CWC27: variants seen among roughly 807,000 people sequenced by gnomAD.
CWC27 encodes CWC27 spliceosome associated cyclophilin.
A neutral mutation model predicts 63.6 loss-of-function variants in CWC27; 47 were observed. The observed-to-expected ratio is 0.74, with a 90% CI of 0.58 to 0.94. The LOEUF is 0.94. Among genes scored for constraint, CWC27 ranks in the 40% least tolerant of loss-of-function variants. The pLI, the probability that CWC27 is intolerant of heterozygous loss-of-function variation, is 0.00. For synonymous variants in CWC27, 175 were observed against 179.8 expected (o/e 0.97, Z 0.22); for missense variants, 495 against 554.3 (o/e 0.89, Z 1.07).
intron 10 of CWC27, among the ~76,000 whole-genome samples, chr5:64,856,527 G>C (rs1373095628): frequency 6.6e-6 from 1 of 151,526 alleles, no homozygotes; most frequent in African/African-American, 2.4e-5. Flanking sequence ...ACTTATAATA[G>C]TTTAGCCTTT....
At chr5:64,819,499 C>G (rs2112243398) in intron 10 of CWC27, among the ~76,000 whole-genome samples, 1 of 152,054 alleles carries the variant, frequency 6.6e-6, no homozygotes, top group South Asian at 2.1e-4. Flanking sequence ...GAGGCTGGGT[C>G]TTTCCTCGTG....
intron 11 of CWC27, among the ~76,000 whole-genome samples, chr5:64,904,122 C>T (rs1315958342): frequency 1.3e-5 from 2 of 152,174 alleles, no homozygotes; most frequent in African/African-American, 4.8e-5. Context: ...TAAGACTCTC[C>T]AAGTTTTCAT....
intron 12 of CWC27, among the ~76,000 whole-genome samples, chr5:64,976,615 C>CTA (rs1406243596): frequency 6.6e-6 from 1 of 152,086 alleles, no homozygotes; most frequent in Non-Finnish European, 1.5e-5. Context: ...TCACTACAGC[C>CTA]TAAAACTCCT....
chr5:64,943,767 C>A (rs1238537963), intron 11 of CWC27, among the ~76,000 whole-genome samples: 1 of 152,028 alleles, frequency 6.6e-6, no homozygotes, highest in Non-Finnish European at 1.5e-5. Context: ...GAAAAGCATC[C>A]AAAACAGGAA....
intron 10 of CWC27, among the ~76,000 whole-genome samples, chr5:64,806,235 G>A (rs1212492695): frequency 6.6e-6 from 1 of 152,080 alleles, no homozygotes; most frequent in Non-Finnish European, 1.5e-5. Context: ...TATATTCACT[G>A]TAGAGGAAAA....
At chr5:64,815,256 T>C (rs1318403823) in intron 10 of CWC27, among the ~76,000 whole-genome samples, 1 of 152,196 alleles carries the variant, frequency 6.6e-6, no homozygotes, top group Non-Finnish European at 1.5e-5. Flanking sequence ...ATATTTGTTT[T>C]CTTGCTCTGG....
chr5:64,902,647 A>C (rs929852883), intron 11 of CWC27, among the ~76,000 whole-genome samples: 2 of 152,142 alleles, frequency 1.3e-5, no homozygotes, highest in Non-Finnish European at 2.9e-5. Context: ...TAAGTCTTGA[A>C]GTCAAGTGTA....
intron 10 of CWC27, among the ~76,000 whole-genome samples, chr5:64,883,835 C>T (rs541459728): frequency 1.3e-5 from 2 of 152,232 alleles, no homozygotes; most frequent in African/African-American, 4.8e-5. Context: ...GAAATTTGAG[C>T]ATTTTTGTTT....
chr5:64,886,888 A>G (rs1326839867), intron 11 of CWC27, among the ~76,000 whole-genome samples: 2 of 152,152 alleles, frequency 1.3e-5, no homozygotes, highest in Non-Finnish European at 2.9e-5. Flanking sequence ...TAGAAACAGT[A>G]TCTTAGCATT....
At chr5:65,015,180 T>C (rs1408689529) in intron 13 of CWC27, among the ~76,000 whole-genome samples, 1 of 152,236 alleles carries the variant, frequency 6.6e-6, no homozygotes, top group African/African-American at 2.4e-5. Flanking sequence ...AATCCAATAG[T>C]TGCAAGATTC....
chr5:64,905,840 C>T (rs1747624786), intron 11 of CWC27, among the ~76,000 whole-genome samples: 1 of 152,136 alleles, frequency 6.6e-6, no homozygotes, highest in African/African-American at 2.4e-5. Flanking sequence ...TCTCCCACCC[C>T]ATGACAGGCC....
intron 11 of CWC27, among the ~76,000 whole-genome samples, chr5:64,900,116 T>A (rs1021646880): frequency 6.6e-6 from 1 of 152,254 alleles, no homozygotes. Context: ...ATGTGATAGG[T>A]GTATGTTCAA....
intron 13 of CWC27, among the ~76,000 whole-genome samples, chr5:65,000,038 G>A (rs1749705540): frequency 6.6e-6 from 1 of 151,994 alleles, no homozygotes; most frequent in Admixed American, 6.6e-5. Context: ...TCTAATTGGG[G>A]TGAGATGAGA....
intron 12 of CWC27, among the ~76,000 whole-genome samples, chr5:64,974,414 T>C (rs1306016319): frequency 1.3e-5 from 2 of 152,140 alleles, no homozygotes; most frequent in Non-Finnish European, 2.9e-5. Flanking sequence ...AGTTCTTACA[T>C]GGTGGTGGCA....
intron 10 of CWC27, among the ~76,000 whole-genome samples, chr5:64,841,362 G>T (rs1181325281): frequency 6.6e-6 from 1 of 152,110 alleles, no homozygotes; most frequent in Non-Finnish European, 1.5e-5. Flanking sequence ...ATTGCTCATG[G>T]CCTAATCACC....
intron 11 of CWC27, among the ~76,000 whole-genome samples, chr5:64,909,104 G>A (rs1487007890): frequency 6.6e-6 from 1 of 152,128 alleles, no homozygotes; most frequent in African/African-American, 2.4e-5. Context: ...CTCAGCATTT[G>A]CTTGTCTATA....
At chr5:64,945,845 G>A (rs1387821831) in intron 11 of CWC27, among the ~76,000 whole-genome samples, 1 of 152,134 alleles carries the variant, frequency 6.6e-6, no homozygotes, top group Non-Finnish European at 1.5e-5. Context: ...ATGAATTGAC[G>A]TTAGTGGGGT....
intron 1 of CWC27, among the ~76,000 whole-genome samples, chr5:64,774,483 C>T (rs1743370646): frequency 1.3e-5 from 2 of 152,064 alleles, no homozygotes; most frequent in Non-Finnish European, 2.9e-5. Context: ...CAAACTTTTT[C>T]TGAAATGGTA....
intron 11 of CWC27, among the ~76,000 whole-genome samples, chr5:64,906,593 G>A (rs1370028281): frequency 6.6e-6 from 1 of 150,950 alleles, no homozygotes; most frequent in East Asian, 2.0e-4. Context: ...TGGATAGATT[G>A]CAAAAATTTT....
Sources: gnomAD v4.1 joint callset for allele counts (sites outside exome capture counted in the v4.1 genomes callset) on GRCh38, gnomAD v4.1.1 for gene constraint, MANE v1.5 for transcripts, NCBI Gene and HGNC (gene_info 2026-07-23, HGNC 2026-07-21) for gene names.